Variants in SFMBT2 observed in about 807,000 individuals in gnomAD.
The protein encoded by SFMBT2 is Scm like with four mbt domains 2.
In SFMBT2, 38 loss-of-function variants were observed where a neutral mutation model predicts 110.1. That is an observed-to-expected ratio of 0.35 (90% confidence interval 0.27 to 0.45). The LOEUF is 0.45. Ranked by LOEUF, SFMBT2 falls within the 20% of genes least tolerant of loss-of-function variation. The pLI is 1.00. For missense variants in SFMBT2, 1,011 were observed against 1,094.9 expected (o/e 0.92, Z 1.08); for synonymous variants, 425 against 425.4 (o/e 1.00, Z 0.01).
At chr10:7,244,064 T>A (rs548964905) in intron 8 of SFMBT2, 84 of 902,678 alleles carry the variant, frequency 9.3e-5, no homozygotes, top group Non-Finnish European at 1.1e-4. Context: ...AACTGAAAAG[T>A]GAAACCGTTT....
At position 7,171,392 on chromosome 10, in the gene SFMBT2, A is replaced by G. The variant is rs1392124541; in HGVS notation, c.2416-336T>C. 9 of 985,334 alleles carry G rather than the reference A, an allele frequency of 9.1e-6. No homozygotes were observed. The highest frequency in any genetic ancestry group is 1.1e-5 in the Non-Finnish European group (9 of 829,928). 61.0% of individuals were successfully genotyped at this position (985,334 alleles called of 1,614,324 possible). On this transcript the variant is annotated intron_variant, in intron 19 of 20. Coordinates refer to ENST00000397167, the MANE Select transcript of SFMBT2 (RefSeq NM_001387889.1). The surrounding 1 kb of genome is among the most constrained non-coding windows in gnomAD (Gnocchi z 4.9). The stretch of plus-strand genomic sequence containing the variant: ...AGGAGAAATACAAGGGGCACGTCCA[A>G]GCAGACACGAGACAGTGTCCCCCAG...
In SFMBT2 at chr10:7,221,573, G is replaced by GAA. The variant is rs59097520; in HGVS notation, c.1204-1038_1204-1037dup. Among the ~76,000 whole-genome samples, 920 of 142,290 alleles carry GAA rather than the reference G, an allele frequency of 6.5e-3. 3 individuals carry two copies. The highest frequency in any genetic ancestry group is 0.028 in the Middle Eastern group (8 of 284). The allele number at this position is 142,290 out of a possible 152,430, so 93.3% of individuals were successfully genotyped here. A position where few individuals can be genotyped will look rare whatever the true frequency, so the allele number is the denominator to read the frequency against. ...AGAGTGAGACTCTGTCTCAAATGAG[G>GAA]AAAAAAAAAAAAAAGATTTTTTCAT... is the stretch of plus-strand genomic sequence containing the variant. On this transcript the variant is annotated intron_variant, in intron 10 of 20. Transcript: ENST00000397167.
intron 9 of SFMBT2, among the ~76,000 whole-genome samples, chr10:7,240,724 A>G (rs1282652981): frequency 6.6e-6 from 1 of 151,990 alleles, no homozygotes; most frequent in Non-Finnish European, 1.5e-5. Context: ...ACACCACTTC[A>G]ATAGGATTTC....
In SFMBT2 at chr10:7,172,003, G is replaced by A. The variant is rs763052001; in HGVS notation, c.2307C>T (p.Pro769=). 53 of 1,563,290 alleles carry A rather than the reference G, an allele frequency of 3.4e-5. No homozygotes were observed. The highest frequency in any genetic ancestry group is 1.3e-4 in the Admixed American group (7 of 53,772). The change falls in exon 19 of 21, where the codon CCC becomes CCT. Residue 769 remains proline (P), a synonymous_variant. Coordinates refer to ENST00000397167, the MANE Select transcript of SFMBT2 (RefSeq NM_001387889.1). This position sits in a 1 kb window ranked among gnomAD's most constrained non-coding sequence, Gnocchi z 4.6. ...TCCTCTCTGGGGGTGGCCGGCGCAC[G>A]GGCTCTGAGCCGCTCCGCAGGGTGA... ...RAVTLRSGSE[P]VRRPPPERTR... is the part of the protein sequence containing the mutation.
chr10:7,404,409 A>G (rs984994233), intron 1 of SFMBT2, among the ~76,000 whole-genome samples: 2 of 152,358 alleles, frequency 1.3e-5, no homozygotes, highest in East Asian at 3.9e-4. Flanking sequence ...GCATACCTTA[A>G]TATCTGTTTA....
At chr10:7,291,673 G>A (rs1339370312) in intron 4 of SFMBT2, among the ~76,000 whole-genome samples, 1 of 152,192 alleles carries the variant, frequency 6.6e-6, no homozygotes, top group African/African-American at 2.4e-5. Flanking sequence ...GGTGTCCTGG[G>A]CAGACGGGTC....
rs186042160 is a variant in SFMBT2, at chr10:7,337,417, G to C, written c.436+30232C>G. Among the ~76,000 whole-genome samples, 13 of 152,318 alleles carry C rather than the reference G, an allele frequency of 8.5e-5. No homozygotes were observed. The East Asian group carries it at 2.3e-3, about 27-fold the overall frequency. ...CAGTGTTGAAGGCAGAGCCCAGTGA[G>C]AAGTGACTGGATCGTGCAGGCAGTT... is the stretch of plus-strand genomic sequence containing the variant. On this transcript the variant is annotated intron_variant, in intron 4 of 20. Transcript: ENST00000397167.
chr10:7,240,732 T>G (rs939119520), intron 9 of SFMBT2, among the ~76,000 whole-genome samples: 2 of 152,130 alleles, frequency 1.3e-5, no homozygotes, highest in South Asian at 2.1e-4. Context: ...TCAATAGGAT[T>G]TCTCTTCATC....
chr10:7,281,664 G>C (rs1841952086), intron 6 of SFMBT2, among the ~76,000 whole-genome samples: 2 of 152,170 alleles, frequency 1.3e-5, no homozygotes, highest in East Asian at 3.8e-4. Flanking sequence ...ATGCTGTTCT[G>C]CTGAATGATG....
chr10:7,203,844 T>G (rs1179095557), intron 12 of SFMBT2: 1 of 161,048 alleles, frequency 6.2e-6, no homozygotes, highest in African/African-American at 2.4e-5. Flanking sequence ...GCCCTCCGAG[T>G]AGCTGGAATG....
chr10:7,296,070 A>G (rs973044824), intron 4 of SFMBT2, among the ~76,000 whole-genome samples: 2 of 152,244 alleles, frequency 1.3e-5, no homozygotes, highest in African/African-American at 4.8e-5. Flanking sequence ...AAAGTCTACA[A>G]GATAAATAAC....
chr10:7,177,514 A>G (rs1455170014), intron 16 of SFMBT2, among the ~76,000 whole-genome samples: 1 of 152,134 alleles, frequency 6.6e-6, no homozygotes, highest in African/African-American at 2.4e-5. Context: ...TGAGGTAATT[A>G]AATTAAACGA....
At chr10:7,169,972 GT>G (rs1837821368) in intron 20 of SFMBT2, among the ~76,000 whole-genome samples, 1 of 152,184 alleles carries the variant, frequency 6.6e-6, no homozygotes, top group African/African-American at 2.4e-5. Flanking sequence ...AGTGAGGAAG[GT>G]AAGAAAACAA....
At chr10:7,168,619 G>A (rs371131101) in intron 20 of SFMBT2, among the ~76,000 whole-genome samples, 1 of 152,198 alleles carries the variant, frequency 6.6e-6, no homozygotes, top group African/African-American at 2.4e-5. Context: ...TGAATACAAC[G>A]CTTATCTCGC....
chr10:7,343,669 T>C (rs142201015), intron 4 of SFMBT2, among the ~76,000 whole-genome samples: 1 of 152,360 alleles, frequency 6.6e-6, no homozygotes, highest in East Asian at 1.9e-4. Flanking sequence ...CATATGCTTG[T>C]TGGCCATGTG....
chr10:7,213,433 G>A (rs1278271283), intron 11 of SFMBT2, among the ~76,000 whole-genome samples: 1 of 152,068 alleles, frequency 6.6e-6, no homozygotes, highest in East Asian at 1.9e-4. Context: ...GAGGACAGGC[G>A]GAGGTCCGGA....
intron 16 of SFMBT2, among the ~76,000 whole-genome samples, chr10:7,187,403 T>A (rs1054693032): frequency 2.0e-5 from 3 of 152,246 alleles, no homozygotes; most frequent in Non-Finnish European, 4.4e-5. Flanking sequence ...TGTTTTTCTC[T>A]GAGCTATAGG....
chr10:7,307,032 T>C (rs1331224029), intron 4 of SFMBT2, among the ~76,000 whole-genome samples: 1 of 152,216 alleles, frequency 6.6e-6, no homozygotes, highest in African/African-American at 2.4e-5. Context: ...AGTCTCACTA[T>C]TGATACAAAA....
chr10:7,293,924 C>G lies in SFMBT2; in HGVS notation c.437-7970G>C, dbSNP rs1467431243. ...CAAAGATGAACAATTTCCATCTCATCAGTTACGCTGATGTGTATCAGTGAT... is the reference window on the plus strand; with the variant it reads ...CAAAGATGAACAATTTCCATCTCATGAGTTACGCTGATGTGTATCAGTGAT... On this transcript the variant is annotated intron_variant, in intron 4 of 20. Transcript: ENST00000397167. The surrounding 1 kb of genome is among the most constrained non-coding windows in gnomAD (Gnocchi z 4.6). Among the ~76,000 whole-genome samples, 1 of 152,220 alleles carries G rather than the reference C, an allele frequency of 6.6e-6. No individual in the cohort carries two copies. The highest frequency in any genetic ancestry group is 1.9e-4 in the East Asian group (1 of 5,192).
Sources: gnomAD v4.1 joint callset for allele counts (sites outside exome capture counted in the v4.1 genomes callset) on GRCh38, gnomAD v4.1.1 for gene constraint, Gnocchi (gnomAD v3.1) non-coding constraint, MANE v1.5 for transcripts, NCBI Gene and HGNC (gene_info 2026-07-23, HGNC 2026-07-21) for gene names.